The following SLIT1 variants were observed in gnomAD, a reference collection of about 807,000 sequenced individuals.
SLIT1 encodes slit homolog 1 protein.
Under a neutral mutation model 186.1 loss-of-function variants are expected in SLIT1, and 66 were observed. The ratio of observed to expected loss-of-function variants is 0.35; its 90% CI spans 0.29 to 0.44. SLIT1 has a LOEUF of 0.44. Among genes scored for constraint, SLIT1 ranks in the 20% least tolerant of loss-of-function variants. The pLI is 1.00. For synonymous variants in SLIT1, 761 were observed against 833.8 expected (o/e 0.91, Z 1.50); for missense variants, 1,638 against 2,037.4 (o/e 0.80, Z 3.77).
rs1450090890 is a variant in SLIT1 at position 97,049,015 on chromosome 10, G to T, written c.1405C>A (p.Pro469Thr). The change falls in exon 14 of 37, where the codon CCC (proline) becomes ACC (threonine). Residue 469 changes from proline to threonine, a missense_variant. This residue lies in a region of SLIT1 where 1,245 missense variants were observed against 1,535.3 expected (regional missense o/e 0.81). Coordinates refer to ENST00000266058, the MANE Select transcript of SLIT1 (RefSeq NM_003061.3). ...IETSGARCAS[P>T]RRLANKRIGQ... The stretch of plus-strand genomic sequence containing the variant: ...ATGCGCTTGTTGGCGAGGCGCCGGG[G>T]ACTGGCACAGCGGGCACCACTCGTC... 1 of 1,613,150 alleles carries T rather than the reference G, an allele frequency of 6.2e-7. No individual in the cohort carries two copies.
chr10:97,063,724 G>A, intron 7 of SLIT1, 106 bp from the exon 8 acceptor site: 1 of 1,211,070 alleles, frequency 8.3e-7, no homozygotes, highest in South Asian at 1.6e-5. Flanking sequence ...CTGTGTTCAA[G>A]CCAAACACAG....
chr10:97,174,343 G>A (rs539882603), intron 1 of SLIT1, among the ~76,000 whole-genome samples: 1 of 152,344 alleles, frequency 6.6e-6, no homozygotes, highest in Non-Finnish European at 1.5e-5. Context: ...ACTGAGCCTA[G>A]GGGCTGCTGG....
chr10:97,107,348 T>G (rs1849424732), intron 4 of SLIT1, among the ~76,000 whole-genome samples: 1 of 152,154 alleles, frequency 6.6e-6, no homozygotes, highest in Non-Finnish European at 1.5e-5. Context: ...TCCCTCTCCT[T>G]TGTTAAATAA....
intron 4 of SLIT1, among the ~76,000 whole-genome samples, chr10:97,092,605 T>C (rs561607172): frequency 6.6e-6 from 1 of 152,332 alleles, no homozygotes; most frequent in East Asian, 1.9e-4. Flanking sequence ...ACTCTCCCCA[T>C]GAAATATCAC....
chr10:97,169,241 C>T (rs1288636796), intron 1 of SLIT1, among the ~76,000 whole-genome samples: 3 of 152,208 alleles, frequency 2.0e-5, no homozygotes, highest in South Asian at 2.1e-4. Context: ...TGCTCTCTAA[C>T]GCAGAGCTTA....
chr10:97,079,923 T>A (rs1849086880), intron 4 of SLIT1, among the ~76,000 whole-genome samples: 1 of 152,146 alleles, frequency 6.6e-6, no homozygotes, highest in South Asian at 2.1e-4. Flanking sequence ...GAGCCAGGGC[T>A]GGAGTATGGG....
At chr10:97,166,292 A>G (rs1415297107) in intron 1 of SLIT1, among the ~76,000 whole-genome samples, 3 of 151,878 alleles carry the variant, frequency 2.0e-5, no homozygotes, top group African/African-American at 7.3e-5. Context: ...AGGCGGGTGG[A>G]TCACCTGAGG....
intron 4 of SLIT1, among the ~76,000 whole-genome samples, chr10:97,082,479 G>A (rs576683353): frequency 2.0e-5 from 3 of 152,156 alleles, no homozygotes; most frequent in Non-Finnish European, 4.4e-5. Context: ...CTGTTGCCCA[G>A]GCTGGAGTGC....
chr10:97,168,239 A>T (rs1379670029), intron 1 of SLIT1, among the ~76,000 whole-genome samples: 1 of 152,220 alleles, frequency 6.6e-6, no homozygotes, highest in African/African-American at 2.4e-5. Context: ...AATACCCAAC[A>T]TATAAATAAA....
intron 28 of SLIT1, among the ~76,000 whole-genome samples, chr10:97,017,777 C>T (rs1488524345): frequency 1.3e-5 from 2 of 152,014 alleles, no homozygotes; most frequent in Non-Finnish European, 2.9e-5. Flanking sequence ...GCCCTGTCTG[C>T]AGGCAGCACT....
At chr10:97,131,619 C>T (rs1294720545) in intron 4 of SLIT1, among the ~76,000 whole-genome samples, 3 of 152,252 alleles carry the variant, frequency 2.0e-5, no homozygotes, top group African/African-American at 4.8e-5. Context: ...AATGGCTCCA[C>T]CACCTTAAAG....
intron 35 of SLIT1, 57 bp downstream of exon 35, chr10:97,002,647 C>T (rs1848321834): frequency 5.4e-6 from 8 of 1,468,236 alleles, no homozygotes; most frequent in Non-Finnish European, 6.4e-6. Context: ...GCAGCCCTTC[C>T]CATGGGGAAG....
chr10:97,102,609 C>G (rs1333271691), intron 4 of SLIT1: 2 of 152,276 alleles, frequency 1.3e-5, no homozygotes, highest in Admixed American at 1.3e-4. Flanking sequence ...CTGCCATGAT[C>G]ACTCTGTAAT....
chr10:97,176,323 C>T (rs570052959), intron 1 of SLIT1, among the ~76,000 whole-genome samples: 3 of 152,238 alleles, frequency 2.0e-5, no homozygotes, highest in South Asian at 4.2e-4. Flanking sequence ...GCCACGACCA[C>T]GACCACAGCC....
Position 97,006,486 on chromosome 10 carries a change from C to T in SLIT1, c.3576G>A (p.Leu1192=), listed in dbSNP as rs1227352460. The T allele has an allele frequency of 1.2e-6, 2 of 1,612,312 alleles. No individual in the cohort carries two copies. The highest frequency in any genetic ancestry group is 3.3e-5 in the Admixed American group (2 of 60,000). ...GACCAAGCCCCCTGGCACGCACCTG[C>T]AACGTGATGTTGGCCCGTGGCCAGT... ...LQNWPRANIT[L]QVSTAEDNGI... Residue 1192 remains leucine (L), a synonymous_variant, in exon 32 of 37, where the codon TTG becomes TTA. Coordinates refer to ENST00000266058, the MANE Select transcript of SLIT1 (RefSeq NM_003061.3). This position sits in a 1 kb window ranked among gnomAD's most constrained non-coding sequence, Gnocchi z 4.0.
rs1848295769 is a variant in SLIT1, at chr10:97,000,647, C to T, written c.*465G>A. The T allele has an allele frequency of 1.3e-5, 2 of 154,614 alleles. No individual in the cohort carries two copies. Among genetic ancestry groups the T allele is most frequent in the Admixed American group, 6.5e-5 (1 of 15,446 alleles). 9.6% of individuals were successfully genotyped at this position (154,614 alleles called of 1,614,324 possible). On this transcript the variant is annotated 3_prime_UTR_variant, in exon 37 of 37. Transcript: ENST00000266058. ...CAGGCTGGCTTCCCGGGGAGGCTGA[C>T]AGTACTTCATGGTTGCCCGCAGAGG...
intron 4 of SLIT1, among the ~76,000 whole-genome samples, chr10:97,073,592 T>C (rs1263508220): frequency 6.6e-6 from 1 of 152,108 alleles, no homozygotes; most frequent in East Asian, 1.9e-4. Flanking sequence ...GATACAGGGC[T>C]GGGGCAGAAG....
intron 23 of SLIT1, among the ~76,000 whole-genome samples, chr10:97,033,860 ATTTTTTTTT>A (rs36010222): frequency 8.0e-6 from 1 of 125,320 alleles, no homozygotes; most frequent in Non-Finnish European, 1.7e-5. Context: ...GCACTGTTCT[ATTTTTTTTT>A]TTTTTTTTTT....
rs200878365 is a variant in SLIT1 at position 97,047,831 on chromosome 10, G to A, written c.1493C>T (p.Thr498Met). 5.0e-5 allele frequency: 80 copies of A among 1,613,856 alleles called. 1 individual carries two copies. Among genetic ancestry groups the A allele is most frequent in the African/African-American group, 3.5e-4 (26 of 75,044 alleles). The change falls in exon 16 of 37, where the codon ACG becomes ATG. Residue 498 changes from threonine (T) to methionine (M), a missense_variant. Around this residue, in one of 3 missense-constraint regions of SLIT1, gnomAD observed 1,245 missense variants for 1,535.3 expected, o/e 0.81. Coordinates refer to ENST00000266058, the MANE Select transcript of SLIT1 (RefSeq NM_003061.3). ...SAKEQYFIPG[T>M]EDYQLNSECN... ...CTCGCTGTTCAGCTGGTAATCCTCC[G>A]TGCCTGCCATGAGAGGGTGGGGGCA...
Sources: allele counts gnomAD v4.1 joint callset (sites outside exome capture counted in the v4.1 genomes callset), GRCh38; gene constraint gnomAD v4.1.1; regional missense constraint gnomAD v4.1.1; non-coding constraint Gnocchi (gnomAD v3.1); transcripts MANE v1.5; gene names NCBI Gene and HGNC (gene_info 2026-07-23, HGNC 2026-07-21).